Variants in SKAP1 observed in about 807,000 individuals in gnomAD.
The protein encoded by SKAP1 is src kinase-associated phosphoprotein 1.
Under a neutral mutation model 58.5 loss-of-function variants are expected in SKAP1, and 44 were observed. The ratio of observed to expected loss-of-function variants is 0.75; its 90% confidence interval spans 0.59 to 0.97. The LOEUF is 0.97. SKAP1 is among the 50% of genes least tolerant of loss of function. The probability of loss-of-function intolerance (pLI) is 0.00; values close to 1 mark genes in which losing one functional copy is unlikely to be tolerated. For synonymous variants in SKAP1, 127 were observed against 149.7 expected (o/e 0.85, Z 1.11); for missense variants, 390 against 435.2 (o/e 0.90, Z 0.92).
chr17:48,383,642 C>T (rs2067243900), intron 2 of SKAP1, among the ~76,000 whole-genome samples: 1 of 151,904 alleles, frequency 6.6e-6, no homozygotes, highest in African/African-American at 2.4e-5. Flanking sequence ...TCTCTTCCTA[C>T]ATCTCTCCCT....
intron 4 of SKAP1, among the ~76,000 whole-genome samples, chr17:48,272,609 G>T (rs1237928397): frequency 6.6e-6 from 1 of 152,166 alleles, no homozygotes; most frequent in Non-Finnish European, 1.5e-5. Flanking sequence ...AGGTTGGAGT[G>T]CAGCAGTGCG....
At position 48,149,852 on chromosome 17, in the gene SKAP1, A is replaced by G. The variant is rs149824607; in HGVS notation, c.979-12515T>C. ...CTTTGAGCAGAGAAACAAAATGACC[A>G]TTTTTCACGGACAAACTTCTAGCTG... On this transcript the variant is annotated intron_variant, in intron 11 of 12. Coordinates refer to ENST00000336915, the MANE Select transcript of SKAP1 (RefSeq NM_003726.4). Among the ~76,000 whole-genome samples, 280 of 152,210 alleles carry G rather than the reference A, an allele frequency of 1.8e-3. 1 individual carries two copies. The highest frequency in any genetic ancestry group is 4.6e-3 in the Admixed American group (70 of 15,288).
At chr17:48,310,158 T>C (rs118050242) in intron 4 of SKAP1, among the ~76,000 whole-genome samples, 2,790 of 152,320 alleles carry the variant, frequency 0.018, 39 homozygotes, top group Non-Finnish European at 0.028. Flanking sequence ...GTTCCAGACA[T>C]CAGTTAACAA....
intron 4 of SKAP1, among the ~76,000 whole-genome samples, chr17:48,228,083 A>T (rs187763626): frequency 6.6e-6 from 1 of 152,324 alleles, no homozygotes; most frequent in African/African-American, 2.4e-5. Flanking sequence ...TTGCAGGCTT[A>T]TGCATAGAGA....
At chr17:48,402,448 GC>G (rs1567900618) in intron 1 of SKAP1, among the ~76,000 whole-genome samples, 1 of 151,904 alleles carries the variant, frequency 6.6e-6, no homozygotes, top group Non-Finnish European at 1.5e-5. Context: ...TCGTGCCTCA[GC>G]CCCCCAAGTA....
intron 4 of SKAP1, among the ~76,000 whole-genome samples, chr17:48,214,930 G>GTAAAATAAAATAAAA (rs58154261): frequency 0.31 from 39,225 of 126,654 alleles, 7,035 homozygotes; most frequent in Non-Finnish European, 0.35. Flanking sequence ...TCAAAATAAA[G>GTAAAATAAAATAAAA]TAAAATAAAA....
At chr17:48,151,582 A>G (rs533508153) in intron 11 of SKAP1, among the ~76,000 whole-genome samples, 1 of 152,338 alleles carries the variant, frequency 6.6e-6, no homozygotes, top group East Asian at 1.9e-4. Flanking sequence ...AATTGCTGGT[A>G]TTATGCCTAT....
In SKAP1 at chr17:48,198,390, G is replaced by C. The variant is rs942925565; in HGVS notation, c.281-8890C>G. Among the ~76,000 whole-genome samples, 5 of 142,478 alleles carry C rather than the reference G, an allele frequency of 3.5e-5. No individual in the cohort carries two copies. The Admixed American group carries it at 3.7e-4, about 11-fold the overall frequency. 93.5% of individuals were successfully genotyped at this position (142,478 alleles called of 152,430 possible). ...GAATGGCATGAACCCGGGAGGCGGA[G>C]CTTGCAGTGAGCCGAGATGGCGCCA... On this transcript the variant is annotated intron_variant, in intron 4 of 12. Transcript: ENST00000336915.
intron 2 of SKAP1, among the ~76,000 whole-genome samples, chr17:48,366,664 A>G (rs2067006599): frequency 6.6e-6 from 1 of 152,160 alleles, no homozygotes; most frequent in South Asian, 2.1e-4. Flanking sequence ...AATTTTCCAT[A>G]AAACTCCTTT....
intron 4 of SKAP1, among the ~76,000 whole-genome samples, chr17:48,283,363 T>C (rs534007228): frequency 3.9e-4 from 60 of 152,240 alleles, no homozygotes; most frequent in Non-Finnish European, 7.2e-4. Context: ...TAAGGCAGCA[T>C]AGCATAGTGC....
At chr17:48,177,256 C>T (rs2064302962) in intron 9 of SKAP1, among the ~76,000 whole-genome samples, 1 of 152,168 alleles carries the variant, frequency 6.6e-6, no homozygotes, top group Non-Finnish European at 1.5e-5. Flanking sequence ...AGGGACCTAA[C>T]CATCCCCAGT....
intron 4 of SKAP1, among the ~76,000 whole-genome samples, chr17:48,227,409 G>C (rs183021034): frequency 2.8e-4 from 42 of 152,202 alleles, no homozygotes; most frequent in Non-Finnish European, 5.6e-4. Context: ...AAGATTCTTG[G>C]ATCTTTCTTG....
At chr17:48,282,354 T>C (rs1371545278) in intron 4 of SKAP1, among the ~76,000 whole-genome samples, 4 of 151,916 alleles carry the variant, frequency 2.6e-5, no homozygotes, top group Non-Finnish European at 5.9e-5. Flanking sequence ...TTTTTAACTT[T>C]GTACTTTGAA....
At chr17:48,151,552 A>G (rs1338258842) in intron 11 of SKAP1, among the ~76,000 whole-genome samples, 2 of 152,200 alleles carry the variant, frequency 1.3e-5, no homozygotes, top group African/African-American at 4.8e-5. Flanking sequence ...TCTTGACTAT[A>G]ATGTGAAATG....
chr17:48,381,003 A>G (rs574011654), intron 2 of SKAP1, among the ~76,000 whole-genome samples: 4 of 152,360 alleles, frequency 2.6e-5, no homozygotes, highest in African/African-American at 9.6e-5. Context: ...AGTGCTTTGT[A>G]TACAAATTAT....
chr17:48,408,935 A>G (rs2067625768), intron 1 of SKAP1, among the ~76,000 whole-genome samples: 1 of 152,226 alleles, frequency 6.6e-6, no homozygotes, highest in South Asian at 2.1e-4. Context: ...AGACTTAACA[A>G]GTTCCCTCGA....
intron 10 of SKAP1, among the ~76,000 whole-genome samples, chr17:48,165,480 A>G (rs1231533239): frequency 6.7e-6 from 1 of 149,232 alleles, no homozygotes; most frequent in Non-Finnish European, 1.5e-5. Flanking sequence ...GGCTCACCAC[A>G]ACCTCTGCCT....
At chr17:48,443,487 T>C in the SKAP1 span, among the ~76,000 whole-genome samples, 1 of 151,986 alleles carries the variant, frequency 6.6e-6, no homozygotes, top group South Asian at 2.1e-4. Flanking sequence ...TGTTTGTTTG[T>C]TTGTTTGAGA....
At chr17:48,140,252 T>C (rs1444038584) in intron 11 of SKAP1, among the ~76,000 whole-genome samples, 3 of 152,238 alleles carry the variant, frequency 2.0e-5, no homozygotes, top group African/African-American at 7.2e-5. Flanking sequence ...GTCCTTAACT[T>C]ACTTGATCTC....
Sources: allele counts gnomAD v4.1 joint callset (sites outside exome capture counted in the v4.1 genomes callset), GRCh38; gene constraint gnomAD v4.1.1; transcripts MANE v1.5; gene names NCBI Gene and HGNC (gene_info 2026-07-23, HGNC 2026-07-21).